The following FAM227A variants were observed in gnomAD, a reference collection of about 807,000 sequenced individuals.
FAM227A encodes the protein family with sequence similarity 227 member A, also known as protein FAM227A.
A neutral mutation model predicts 74.7 loss-of-function variants in FAM227A; 80 were observed. The observed-to-expected ratio is 1.07, with a 90% CI of 0.89 to 1.29. The LOEUF is 1.29. FAM227A is among the 50% of genes most tolerant of loss of function. The pLI is 0.00. For synonymous variants in FAM227A, 237 were observed against 241.8 expected (o/e 0.98, Z 0.19); for missense variants, 654 against 683.4 (o/e 0.96, Z 0.48).
chr22:38,595,661 T>C (rs930255841), intron 15 of FAM227A, among the ~76,000 whole-genome samples: 1 of 152,190 alleles, frequency 6.6e-6, no homozygotes, highest in African/African-American at 2.4e-5. Context: ...GCTCTTACAA[T>C]GCAGAGATCT....
chr22:38,651,922 G>T (rs1029283322), intron 1 of FAM227A, among the ~76,000 whole-genome samples: 8 of 151,508 alleles, frequency 5.3e-5, no homozygotes, highest in African/African-American at 1.5e-4. Context: ...GGCGTGGTGG[G>T]TCACGCCTGT....
intron 11 of FAM227A, among the ~76,000 whole-genome samples, chr22:38,607,771 C>T (rs574422918): frequency 1.8e-4 from 28 of 152,266 alleles, no homozygotes; most frequent in African/African-American, 6.0e-4. Flanking sequence ...ACCTCTTTAC[C>T]GCCTTGGTTT....
At chr22:38,613,084 ATATATATATATTATATATAAT>A (rs1238031066) in intron 11 of FAM227A, among the ~76,000 whole-genome samples, 35 of 87,182 alleles carry the variant, frequency 4.0e-4, no homozygotes, top group African/African-American at 9.2e-4. Flanking sequence ...ATATATAATT[ATATATATATATTATATATAAT>A]TATATATATA....
At chr22:38,643,466 CA>C (rs1336326040) in intron 3 of FAM227A, among the ~76,000 whole-genome samples, 1 of 152,154 alleles carries the variant, frequency 6.6e-6, no homozygotes, top group Non-Finnish European at 1.5e-5. Context: ...CACTACGCAG[CA>C]ATCAGAATGA....
chr22:38,630,123 C>T (rs1334630460), intron 6 of FAM227A, among the ~76,000 whole-genome samples: 2 of 151,738 alleles, frequency 1.3e-5, no homozygotes, highest in East Asian at 3.9e-4. Flanking sequence ...CACACAGGTG[C>T]CTCTCCTTTA....
intron 11 of FAM227A, among the ~76,000 whole-genome samples, chr22:38,609,419 G>T (rs747518589): frequency 6.6e-6 from 1 of 152,210 alleles, no homozygotes; most frequent in African/African-American, 2.4e-5. Context: ...GTGGTATGAG[G>T]AGAGTATCAT....
chr22:38,652,806 G>A (rs1443565855), intron 1 of FAM227A, among the ~76,000 whole-genome samples: 10 of 149,736 alleles, frequency 6.7e-5, no homozygotes, highest in Admixed American at 6.7e-4. Flanking sequence ...GAACCTGGGA[G>A]GCGGGGCTTG....
chr22:38,610,621 A>G (rs2091392114), intron 11 of FAM227A, among the ~76,000 whole-genome samples: 1 of 152,214 alleles, frequency 6.6e-6, no homozygotes. Flanking sequence ...ATATGCAAAG[A>G]AAACCCGAAC....
chr22:38,603,230 C>T (rs62228948), intron 13 of FAM227A, among the ~76,000 whole-genome samples: 6,807 of 152,146 alleles, frequency 0.045, 251 homozygotes, highest in East Asian at 0.11. Context: ...CAGTGGCTCA[C>T]GCCTGTAATC....
intron 2 of FAM227A, among the ~76,000 whole-genome samples, chr22:38,646,484 G>T (rs922520370): frequency 2.0e-5 from 3 of 150,210 alleles, no homozygotes; most frequent in African/African-American, 7.3e-5. Context: ...GGATGGTCTC[G>T]ATCTCCTGAC....
At chr22:38,614,975 A>G (rs1378417236) in intron 11 of FAM227A, among the ~76,000 whole-genome samples, 3 of 152,208 alleles carry the variant, frequency 2.0e-5, no homozygotes, top group Non-Finnish European at 4.4e-5. Context: ...AGATGACCTC[A>G]TTCACGAAGT....
At chr22:38,645,245 G>C (rs1020506736) in intron 3 of FAM227A, among the ~76,000 whole-genome samples, 4 of 151,714 alleles carry the variant, frequency 2.6e-5, no homozygotes, top group African/African-American at 9.7e-5. Flanking sequence ...ACAAAAATTA[G>C]CTGGGCATGG....
chr22:38,607,789 GGATTAAGTCAGCAAAT>G (rs1004002599), intron 11 of FAM227A, among the ~76,000 whole-genome samples: 29 of 152,132 alleles, frequency 1.9e-4, no homozygotes, highest in African/African-American at 7.0e-4. Flanking sequence ...TTTCCTTGTA[GGATTAAGTCAGCAAAT>G]GCATGCAAAT....
intron 11 of FAM227A, among the ~76,000 whole-genome samples, chr22:38,614,998 G>A (rs769563496): frequency 7.2e-5 from 11 of 152,276 alleles, no homozygotes; most frequent in African/African-American, 4.8e-5. Flanking sequence ...AGAAATATTT[G>A]TTAAGTGTCT....
intron 11 of FAM227A, among the ~76,000 whole-genome samples, chr22:38,609,094 A>C (rs1602927250): frequency 6.6e-6 from 1 of 152,174 alleles, no homozygotes; most frequent in African/African-American, 2.4e-5. Context: ...CACCCAGCCA[A>C]GATCCTTGTT....
chr22:38,636,874 A>C (rs1197016415), intron 5 of FAM227A, among the ~76,000 whole-genome samples: 1 of 150,478 alleles, frequency 6.6e-6, no homozygotes, highest in Non-Finnish European at 1.5e-5. Context: ...TGGTTCAAGC[A>C]ATTCTCCTGC....
rs1489095061 is a variant in FAM227A at position 38,578,340 on chromosome 22, T to C, written c.*7785A>G. 2 of 152,238 alleles carry C rather than the reference T, an allele frequency of 1.3e-5. No individual in the cohort carries two copies. Among genetic ancestry groups the C allele is most frequent in the Non-Finnish European group, 2.9e-5 (2 of 68,044 alleles). The allele number at this position is 152,238 out of a possible 1,614,324, so 9.4% of individuals were successfully genotyped here. A position where few individuals can be genotyped will look rare whatever the true frequency, so the allele number is the denominator to read the frequency against. On this transcript the variant is annotated 3_prime_UTR_variant, in exon 17 of 17. Transcript: ENST00000535113. Reference sequence around the variant, plus strand: ...CACCGTCATATATTCAGTCAGCTGCTGACTGAAACATCGTTACGTGGTGCA... The same window carrying C: ...CACCGTCATATATTCAGTCAGCTGCCGACTGAAACATCGTTACGTGGTGCA...
At position 38,582,923 on chromosome 22, in the gene FAM227A, G is replaced by A; in HGVS notation, c.*3202C>T. ...AGGGACGTCTAAGCGGGGTCCTGGA[G>A]GAAGAGCAGGAATTAGTGATGTTGG... is the stretch of plus-strand genomic sequence containing the variant. On this transcript the variant is annotated 3_prime_UTR_variant, in exon 17 of 17. Coordinates refer to ENST00000535113, the MANE Select transcript of FAM227A (RefSeq NM_001013647.2). 3 of 1,550,510 alleles carry A rather than the reference G, an allele frequency of 1.9e-6. No homozygotes were observed. The highest frequency in any genetic ancestry group is 2.6e-6 in the Non-Finnish European group (3 of 1,146,990).
intron 16 of FAM227A, among the ~76,000 whole-genome samples, chr22:38,588,841 T>C (rs149427028): frequency 0.023 from 3,278 of 141,658 alleles, 122 homozygotes; most frequent in African/African-American, 0.083. Flanking sequence ...GGCAGGAGAA[T>C]GGCATGAAGC....
Sources: allele counts gnomAD v4.1 joint callset (sites outside exome capture counted in the v4.1 genomes callset), GRCh38; gene constraint gnomAD v4.1.1; transcripts MANE v1.5; gene names NCBI Gene and HGNC (gene_info 2026-07-23, HGNC 2026-07-21).